The following DPY19L3 variants were observed in gnomAD, a reference collection of about 807,000 sequenced individuals.
DPY19L3 encodes dpy-19 like C-mannosyltransferase 3.
A neutral mutation model predicts 92.3 loss-of-function variants in DPY19L3; 51 were observed. That is an observed-to-expected ratio of 0.55 (90% CI 0.44 to 0.70). The LOEUF is 0.70. Among genes scored for constraint, DPY19L3 ranks in the 30% least tolerant of loss-of-function variants. DPY19L3 has a pLI of 0.00. For synonymous variants in DPY19L3, 309 were observed against 315.2 expected (o/e 0.98, Z 0.21); for missense variants, 706 against 855.9 (o/e 0.82, Z 2.18).
At position 32,437,629 on chromosome 19, in the gene DPY19L3, C is replaced by T. The variant is rs74885644; in HGVS notation, c.596+290C>T. Among the ~76,000 whole-genome samples the T allele has an allele frequency of 3.6e-3, 539 of 151,806 alleles. 2 individuals are homozygous for T. The highest frequency in any genetic ancestry group is 0.011 in the African/African-American group (462 of 41,368). Reference sequence around the variant, plus strand: ...GCTGGGTGATCAAGATTTCTCCAGCCGCATATCTCATCTCTTAAAGGGTTT... The same window carrying T: ...GCTGGGTGATCAAGATTTCTCCAGCTGCATATCTCATCTCTTAAAGGGTTT... On this transcript the variant is annotated intron_variant, in intron 6 of 18. Transcript: ENST00000392250.
In DPY19L3 at chr19:32,483,116, T is replaced by A. The variant is rs1024710312; in HGVS notation, c.*876T>A. On this transcript the variant is annotated 3_prime_UTR_variant, in exon 19 of 19. Coordinates refer to ENST00000392250, the MANE Select transcript of DPY19L3 (RefSeq NM_001172774.2). ...AAATTTTGTAAACTTTTTGTGTTTT[T>A]AGCCTTTGTATTTTTTACAGCCTAG... 3 of 152,374 alleles carry A rather than the reference T, an allele frequency of 2.0e-5. No individual in the cohort carries two copies. The highest frequency in any genetic ancestry group is 7.2e-5 in the African/African-American group (3 of 41,586). The allele number at this position is 152,374 out of a possible 1,614,324, so 9.4% of individuals were successfully genotyped here.
In DPY19L3 at chr19:32,482,379, A is replaced by G. The variant is rs1970701274; in HGVS notation, c.*139A>G. The G allele has an allele frequency of 3.2e-6, 3 of 948,782 alleles. No individual in the cohort carries two copies. The highest frequency in any genetic ancestry group is 4.6e-6 in the Non-Finnish European group (3 of 646,384). 58.8% of individuals were successfully genotyped at this position (948,782 alleles called of 1,614,324 possible). A position where few individuals can be genotyped will look rare whatever the true frequency, so the allele number is the denominator to read the frequency against. Reference sequence around the variant, plus strand: ...GAGTAAGTTCTACAGATGTTTACACAAGTGTTGCCATCTTTGAAAGCATCT... The same window carrying G: ...GAGTAAGTTCTACAGATGTTTACACGAGTGTTGCCATCTTTGAAAGCATCT... On this transcript the variant is annotated 3_prime_UTR_variant, in exon 19 of 19. Coordinates refer to ENST00000392250, the MANE Select transcript of DPY19L3 (RefSeq NM_001172774.2).
chr19:32,437,479 C>G (rs1342604971), intron 6 of DPY19L3, 140 bp downstream of exon 6: 1 of 939,888 alleles, frequency 1.1e-6, no homozygotes, highest in Admixed American at 3.0e-5. Flanking sequence ...TGGTGGTTTA[C>G]TCAATTTTTC....
At chr19:32,475,892 C>T (rs925882431) in intron 16 of DPY19L3, among the ~76,000 whole-genome samples, 2 of 152,136 alleles carry the variant, frequency 1.3e-5, no homozygotes, top group African/African-American at 4.8e-5. Flanking sequence ...TTTTTTCCTG[C>T]TGGAATCTGC....
At chr19:32,455,451 T>C (rs1969837142) in intron 10 of DPY19L3, among the ~76,000 whole-genome samples, 1 of 152,210 alleles carries the variant, frequency 6.6e-6, no homozygotes, top group South Asian at 2.1e-4. Flanking sequence ...CCTTTTGTTA[T>C]GAAACTTTTA....
Position 32,455,041 on chromosome 19 carries a change from G to A in DPY19L3, c.1089+1G>A. 1 of 1,485,248 alleles carries A rather than the reference G, an allele frequency of 6.7e-7. No individual in the cohort carries two copies. Among genetic ancestry groups the A allele is most frequent in the Non-Finnish European group, 9.1e-7 (1 of 1,100,876 alleles). 92.0% of individuals were successfully genotyped at this position (1,485,248 alleles called of 1,614,324 possible). A position where few individuals can be genotyped will look rare whatever the true frequency, so the allele number is the denominator to read the frequency against. ...ACTTTTTCTCAACAACATAATTAAG[G>A]TAAGTTAATAAAAATGACATGTTTA... On this transcript the variant is annotated splice_donor_variant, in intron 10 of 18. Transcript: ENST00000392250. LOFTEE classifies it high-confidence loss of function.
intron 2 of DPY19L3, 65 bp from the exon 3 acceptor site, chr19:32,411,174 G>T (rs1968166893): frequency 6.6e-7 from 1 of 1,510,738 alleles, no homozygotes; most frequent in Non-Finnish European, 9.0e-7. Context: ...ATAATCTGAA[G>T]TAGAACTATT....
At chr19:32,452,442 T>A (rs1269219514) in intron 8 of DPY19L3, among the ~76,000 whole-genome samples, 1 of 152,102 alleles carries the variant, frequency 6.6e-6, no homozygotes, top group Non-Finnish European at 1.5e-5. Flanking sequence ...TCCTAAAGTA[T>A]AGAGTATGGA....
At chr19:32,472,397 A>G (rs920159913) in intron 16 of DPY19L3, among the ~76,000 whole-genome samples, 3 of 152,250 alleles carry the variant, frequency 2.0e-5, no homozygotes, top group East Asian at 1.9e-4. Flanking sequence ...GCCTTTGTGC[A>G]TTCACCTGCC....
intron 3 of DPY19L3, among the ~76,000 whole-genome samples, chr19:32,426,172 G>C (rs1459522302): frequency 6.6e-6 from 1 of 152,188 alleles, no homozygotes; most frequent in Non-Finnish European, 1.5e-5. Context: ...ACCAACCTCT[G>C]CTAGCTTCCA....
intron 15 of DPY19L3, 113 bp downstream of exon 15, chr19:32,464,897 A>G (rs950909479): frequency 7.6e-6 from 4 of 524,236 alleles, no homozygotes; most frequent in Non-Finnish European, 1.3e-5. Flanking sequence ...AAGGTTATAA[A>G]TACCTCCTTA....
chr19:32,413,822 T>C (rs1364307271), intron 3 of DPY19L3, among the ~76,000 whole-genome samples: 1 of 152,054 alleles, frequency 6.6e-6, no homozygotes, highest in East Asian at 1.9e-4. Context: ...CTGGGCTGAA[T>C]TGAAGCATTA....
rs544208986 is a variant in DPY19L3 at position 32,441,236 on chromosome 19, G to A, written c.855+1326G>A. The stretch of plus-strand genomic sequence containing the variant: ...AAAAGCTGGGCGGAAAAGATAAAAA[G>A]AAATAAAAAACTGGAAATGACTTGA... On this transcript the variant is annotated intron_variant, in intron 8 of 18. Transcript: ENST00000392250. Among the ~76,000 whole-genome samples, 3 of 152,114 alleles carry A rather than the reference G, an allele frequency of 2.0e-5. No homozygotes were observed. The East Asian group carries it at 5.8e-4, about 29-fold the overall frequency.
intron 10 of DPY19L3, among the ~76,000 whole-genome samples, chr19:32,456,063 AC>A (rs1227400792): frequency 6.7e-6 from 1 of 148,968 alleles, no homozygotes; most frequent in Non-Finnish European, 1.5e-5. Flanking sequence ...TCAGCCAGTC[AC>A]TATGTCACTA....
rs546572863 is a variant in DPY19L3, at chr19:32,442,428, A to G, written c.855+2518A>G. Among the ~76,000 whole-genome samples, 5 of 152,342 alleles carry G rather than the reference A, an allele frequency of 3.3e-5. No individual in the cohort carries two copies. In the East Asian group the frequency reaches 5.8e-4, roughly 18 times the overall value. Reference sequence around the variant, plus strand: ...TAAGAGATCATGTTAAGTACCCTACATGGTTCCAGACAAGAGGGAGTAGAG... The same window carrying G: ...TAAGAGATCATGTTAAGTACCCTACGTGGTTCCAGACAAGAGGGAGTAGAG... On this transcript the variant is annotated intron_variant, in intron 8 of 18. Coordinates refer to ENST00000392250, the MANE Select transcript of DPY19L3 (RefSeq NM_001172774.2).
At chr19:32,457,504 AT>A (rs1426998972) in intron 10 of DPY19L3, among the ~76,000 whole-genome samples, 1 of 152,080 alleles carries the variant, frequency 6.6e-6, no homozygotes, top group South Asian at 2.1e-4. Flanking sequence ...CTTCTAATAA[AT>A]TTTTTCACCA....
chr19:32,466,960 T>C (rs1472546573), intron 15 of DPY19L3, among the ~76,000 whole-genome samples: 1 of 152,228 alleles, frequency 6.6e-6, no homozygotes, highest in Non-Finnish European at 1.5e-5. Context: ...AATTCATATA[T>C]TTCAAAGCCT....
chr19:32,480,090 C>T (rs1254096504), intron 17 of DPY19L3, among the ~76,000 whole-genome samples: 1 of 152,170 alleles, frequency 6.6e-6, no homozygotes, highest in Non-Finnish European at 1.5e-5. Context: ...CTGTCATTTA[C>T]CTTGGGAAAG....
chr19:32,483,270 T>C lies in DPY19L3; in HGVS notation c.*1030T>C, dbSNP rs921531586. 1 of 152,596 alleles carries C rather than the reference T, an allele frequency of 6.6e-6. No individual in the cohort carries two copies. Among genetic ancestry groups the C allele is most frequent in the Non-Finnish European group, 1.5e-5 (1 of 68,044 alleles). 9.5% of individuals were successfully genotyped at this position (152,596 alleles called of 1,614,324 possible). On this transcript the variant is annotated 3_prime_UTR_variant, in exon 19 of 19. Transcript: ENST00000392250. Reference sequence around the variant, plus strand: ...TTTGACTTGTGGTCTCCAATCTTACTGGGAAGGCCCTGGTAGTGTAATTCT... The same window carrying C: ...TTTGACTTGTGGTCTCCAATCTTACCGGGAAGGCCCTGGTAGTGTAATTCT...
Sources: allele counts gnomAD v4.1 joint callset (sites outside exome capture counted in the v4.1 genomes callset), GRCh38; gene constraint gnomAD v4.1.1; transcripts MANE v1.5; gene names NCBI Gene and HGNC (gene_info 2026-07-23, HGNC 2026-07-21).